The following TARP variants were observed in gnomAD, a reference collection of about 807,000 sequenced individuals.
the TARP span, among the ~76,000 whole-genome samples, chr7:38,271,927 T>G: frequency 6.6e-6 from 1 of 151,504 alleles, no homozygotes; most frequent in Non-Finnish European, 1.5e-5. Context: ...TTAAATGTTA[T>G]AGGTAGACAT....
the TARP span, among the ~76,000 whole-genome samples, chr7:38,267,677 T>C: frequency 6.6e-6 from 1 of 150,950 alleles, no homozygotes; most frequent in African/African-American, 2.4e-5. Context: ...TTGTTATACT[T>C]GTGAGACAGT....
chr7:38,261,088 G>A, the TARP span, among the ~76,000 whole-genome samples: 1 of 151,644 alleles, frequency 6.6e-6, no homozygotes, highest in Non-Finnish European at 1.5e-5. Context: ...GTTGGCTGAT[G>A]AGAAAACTGT....
the TARP span, among the ~76,000 whole-genome samples, chr7:38,261,117 C>A: frequency 1.3e-5 from 2 of 151,546 alleles, no homozygotes; most frequent in African/African-American, 4.9e-5. Flanking sequence ...AAATGTAGGT[C>A]ACTTACACCT....
the TARP span, among the ~76,000 whole-genome samples, chr7:38,271,687 A>C: frequency 7.3e-5 from 11 of 151,668 alleles, no homozygotes; most frequent in East Asian, 1.4e-3. Context: ...GTGAGTGAAT[A>C]ATTGTGTCTT....
chr7:38,263,582 A>G, the TARP span, among the ~76,000 whole-genome samples: 1 of 151,634 alleles, frequency 6.6e-6, no homozygotes, highest in Non-Finnish European at 1.5e-5. Context: ...GACAGAGGCC[A>G]AGTCACATTG....
the TARP span, chr7:38,265,629 A>T: frequency 6.2e-7 from 1 of 1,610,726 alleles, no homozygotes; most frequent in Non-Finnish European, 8.5e-7. Flanking sequence ...CAGCAATTGA[A>T]GGAAGAAAAA....
the TARP span, among the ~76,000 whole-genome samples, chr7:38,264,503 A>T: frequency 6.6e-6 from 1 of 151,434 alleles, no homozygotes; most frequent in Non-Finnish European, 1.5e-5. Context: ...AAGTAAGAGA[A>T]TCACTTGAAC....
the TARP span, among the ~76,000 whole-genome samples, chr7:38,273,246 CT>C: frequency 0.64 from 91,909 of 143,004 alleles, 30,642 homozygotes; most frequent in African/African-American, 0.86. Context: ...GCTGATTTTA[CT>C]TTTTTTTTTT....
the TARP span, chr7:38,265,617 T>C: frequency 9.3e-6 from 15 of 1,611,364 alleles, no homozygotes; most frequent in African/African-American, 2.0e-4. Flanking sequence ...GGAGCTTTGT[T>C]TCAGCAATTG....
the TARP span, chr7:38,262,042 G>A: frequency 3.9e-6 from 3 of 771,166 alleles, no homozygotes; most frequent in Admixed American, 2.1e-5. Context: ...AGAAAATGAG[G>A]GACTAATTTA....
the TARP span, among the ~76,000 whole-genome samples, chr7:38,271,359 C>CT: frequency 4.6e-5 from 7 of 151,128 alleles, no homozygotes; most frequent in Non-Finnish European, 8.8e-5. Flanking sequence ...TAAAATGAAG[C>CT]TTTTTTTCCC....
At chr7:38,264,074 T>TTC in the TARP span, among the ~76,000 whole-genome samples, 2 of 148,808 alleles carry the variant, frequency 1.3e-5, no homozygotes, top group Non-Finnish European at 3.0e-5. Flanking sequence ...GTATCCTGAG[T>TTC]TCTCTCTCTC....
chr7:38,262,479 A>G, the TARP span, among the ~76,000 whole-genome samples: 1 of 151,500 alleles, frequency 6.6e-6, no homozygotes, highest in Admixed American at 6.6e-5. Context: ...ATCCAAGAGC[A>G]TTTACTTTTC....
the TARP span, among the ~76,000 whole-genome samples, chr7:38,268,770 T>TAA: frequency 3.6e-3 from 554 of 151,842 alleles, 3 homozygotes; most frequent in African/African-American, 0.012. Context: ...GAGCTGATGT[T>TAA]GATAACCTTC....
chr7:38,267,803 T>C, the TARP span, among the ~76,000 whole-genome samples: 2 of 151,504 alleles, frequency 1.3e-5, no homozygotes, highest in Non-Finnish European at 2.9e-5. Flanking sequence ...CAATATATTT[T>C]CCAATCTAAT....
chr7:38,273,195 T>C, the TARP span, among the ~76,000 whole-genome samples: 864 of 151,278 alleles, frequency 5.7e-3, 16 homozygotes, highest in African/African-American at 0.02. Flanking sequence ...TTGGTCAAAT[T>C]ATCAAATATT....
the TARP span, chr7:38,265,440 C>A: frequency 1.9e-6 from 3 of 1,611,624 alleles, no homozygotes; most frequent in Non-Finnish European, 2.5e-6. Context: ...TGTCCAGTGA[C>A]TTTTCTGGCA....
chr7:38,267,441 T>C, the TARP span, among the ~76,000 whole-genome samples: 33 of 151,966 alleles, frequency 2.2e-4, no homozygotes, highest in African/African-American at 8.0e-4. Flanking sequence ...GAAGTGAATT[T>C]AATAATTGAA....
At chr7:38,267,427 G>A in the TARP span, among the ~76,000 whole-genome samples, 1 of 151,718 alleles carries the variant, frequency 6.6e-6, no homozygotes, top group Non-Finnish European at 1.5e-5. Context: ...GCTTTGGCTG[G>A]TTTGAAGTGA....
Sources: gnomAD v4.1 joint callset for allele counts (sites outside exome capture counted in the v4.1 genomes callset) on GRCh38, gnomAD v4.1.1 for gene constraint, MANE v1.5 for transcripts.